Variants in C12orf76 observed in about 807,000 individuals in gnomAD.
C12orf76 encodes the protein uncharacterized protein C12orf76.
A neutral mutation model predicts 6.8 loss-of-function variants in C12orf76; 6 were observed. That is an observed-to-expected ratio of 0.88 (90% CI 0.48 to 1.73). The LOEUF (loss-of-function observed/expected upper bound fraction) is 1.73. C12orf76 is among the 40% of genes most tolerant of loss of function. The pLI is 0.01. For synonymous variants in C12orf76, 56 were observed against 43.7 expected (o/e 1.28, Z -1.11); for missense variants, 99 against 98.2 (o/e 1.01, Z -0.03).
intron 1 of C12orf76, among the ~76,000 whole-genome samples, chr12:110,043,294 A>G (rs1272648890): frequency 6.6e-6 from 1 of 152,046 alleles, no homozygotes; most frequent in Non-Finnish European, 1.5e-5. Flanking sequence ...GGAGACCATG[A>G]AGAAAACACG....
intron 2 of C12orf76, among the ~76,000 whole-genome samples, chr12:110,064,498 T>C (rs1307322629): frequency 6.6e-6 from 1 of 152,232 alleles, no homozygotes; most frequent in Non-Finnish European, 1.5e-5. Flanking sequence ...CAGCACATGC[T>C]AAGACCTCAG....
intron 1 of C12orf76, among the ~76,000 whole-genome samples, chr12:110,046,950 G>T (rs372697036): frequency 2.4e-4 from 37 of 152,076 alleles, no homozygotes; most frequent in African/African-American, 8.9e-4. Flanking sequence ...CCAACATGTC[G>T]TAATATCCAG....
intron 2 of C12orf76, among the ~76,000 whole-genome samples, chr12:110,063,990 T>TC (rs1892819776): frequency 6.6e-6 from 1 of 152,116 alleles, no homozygotes; most frequent in South Asian, 2.1e-4. Context: ...AGACAAGAAC[T>TC]CAGCCCGCTG....
chr12:110,048,279 C>T (rs1892501706), intron 1 of C12orf76, 84 bp downstream of exon 1: 1 of 1,396,366 alleles, frequency 7.2e-7, no homozygotes, highest in South Asian at 1.5e-5. Flanking sequence ...ATCCCCTGTC[C>T]GCTCCGTACA....
chr12:110,045,409 A>C (rs867611241), intron 1 of C12orf76, among the ~76,000 whole-genome samples: 9 of 151,964 alleles, frequency 5.9e-5, no homozygotes, highest in African/African-American at 1.7e-4. Flanking sequence ...AACGTGGTGA[A>C]ACCCCGTCTC....
At chr12:110,066,001 C>G (rs965875019) in exon 2 of C12orf76, 24 of 1,607,274 alleles carry the variant, frequency 1.5e-5, no homozygotes, top group Non-Finnish European at 2.0e-5. Flanking sequence ...TCATCTCTGA[C>G]CTTCTGACCT....
intron 2 of C12orf76, among the ~76,000 whole-genome samples, chr12:110,062,786 ATATTTTTTTTT>A (rs1892794149): frequency 8.0e-6 from 1 of 124,818 alleles, no homozygotes; most frequent in Non-Finnish European, 1.6e-5. Context: ...TGCCCAGCTA[ATATTTTTTTTT>A]TTTTTTTTTT....
At chr12:110,072,601 A>G (rs1566081451), upstream of C12orf76, among the ~76,000 whole-genome samples, 1 of 151,994 alleles carries the variant, frequency 6.6e-6, no homozygotes, top group Non-Finnish European at 1.5e-5. Context: ...TAAATGGTGA[A>G]TTGCATGGTG....
chr12:110,066,367 TAAAAAAAAAAAAAAA>T (rs71079598), intron 1 of C12orf76, among the ~76,000 whole-genome samples: 4 of 15,334 alleles, frequency 2.6e-4, no homozygotes, highest in East Asian at 6.3e-3. Context: ...AGACTCCATC[TAAAAAAAAAAAAAAA>T]AAAAAAAAAA....
intron 2 of C12orf76, among the ~76,000 whole-genome samples, chr12:110,065,203 C>T (rs2137237690): frequency 6.6e-6 from 1 of 150,812 alleles, no homozygotes; most frequent in South Asian, 2.1e-4. Context: ...CTGAGTCTCG[C>T]TGTATCACCC....
chr12:110,064,960 G>A (rs1050504526), intron 2 of C12orf76, among the ~76,000 whole-genome samples: 2 of 152,130 alleles, frequency 1.3e-5, no homozygotes, highest in Non-Finnish European at 2.9e-5. Flanking sequence ...TAAGGCTATA[G>A]CCATTCATTT....
chr12:110,068,247 A>AAAGAAGAAGAAGAAGAAGAAGAAGAAG, upstream of C12orf76, among the ~76,000 whole-genome samples: 1 of 63,778 alleles, frequency 1.6e-5, no homozygotes, highest in Non-Finnish European at 3.0e-5. Flanking sequence ...GAAGAAGAAG[A>AAAGAAGAAGAAGAAGAAGAAGAAGAAG]AAGAAGAAGA....
chr12:110,048,461 C>T lies in C12orf76; in HGVS notation c.35G>A (p.Gly12Asp). Residue 12 changes from glycine to aspartate, a missense_variant, in exon 1 of 2, where the codon GGC becomes GAC. Coordinates refer to ENST00000615315, the MANE Select transcript of C12orf76 (RefSeq NM_001389625.1). ...CTCCCCCACCAGGAGGCTGCAGAGG[C>T]CAAGGTACAGCCACGGTAACGCTGG... Reference protein sequence around the residue: ...LRPALPWLYLGLCSLLVGEAE... With the variant: ...LRPALPWLYLDLCSLLVGEAE... The T allele has an allele frequency of 6.7e-7, 1 of 1,494,636 alleles. No homozygotes were observed. Among genetic ancestry groups the T allele is most frequent in the Non-Finnish European group, 8.9e-7 (1 of 1,126,180 alleles). 92.6% of individuals were successfully genotyped at this position (1,494,636 alleles called of 1,614,324 possible).
chr12:110,055,793 G>C (rs118023921), intron 4 of C12orf76, among the ~76,000 whole-genome samples: 1 of 152,172 alleles, frequency 6.6e-6, no homozygotes, highest in African/African-American at 2.4e-5. Context: ...GTCTTCTTGT[G>C]CTGAGTCAGT....
upstream of C12orf76, among the ~76,000 whole-genome samples, chr12:110,068,269 AAGAAG>A (rs1288164983): frequency 8.0e-6 from 1 of 124,836 alleles, no homozygotes; most frequent in Non-Finnish European, 1.8e-5. Flanking sequence ...GAAGAAGAAG[AAGAAG>A]AAGAAGAAGA....
At chr12:110,058,435 G>A (rs1188663617) in intron 3 of C12orf76, among the ~76,000 whole-genome samples, 5 of 151,998 alleles carry the variant, frequency 3.3e-5, no homozygotes, top group Admixed American at 6.6e-5. Flanking sequence ...AGGCCAAGGC[G>A]GGCAGATCAC....
upstream of C12orf76, chr12:110,048,541 C>G: frequency 7.3e-7 from 1 of 1,373,828 alleles, no homozygotes; most frequent in South Asian, 1.6e-5. Context: ...CGTCGCAAGC[C>G]CTGCCTCTGT....
At chr12:110,073,549 C>G in exon 1 of C12orf76, 1 of 512,264 alleles carries the variant, frequency 2.0e-6, no homozygotes. Flanking sequence ...GGCACGGTTA[C>G]AGCCTCCCTT....
chr12:110,070,764 TG>T (rs1892952175), upstream of C12orf76, among the ~76,000 whole-genome samples: 1 of 152,164 alleles, frequency 6.6e-6, no homozygotes. Context: ...GATTTCAGCA[TG>T]TTTTGTTTTG....
Sources: allele counts gnomAD v4.1 joint callset (sites outside exome capture counted in the v4.1 genomes callset), GRCh38; gene constraint gnomAD v4.1.1; transcripts MANE v1.5; gene names NCBI Gene and HGNC (gene_info 2026-07-23, HGNC 2026-07-21).